The following RADIL variants were observed in gnomAD, a reference collection of about 807,000 sequenced individuals.
RADIL encodes Rap associating with DIL domain, also known as ras-associating and dilute domain-containing protein.
In RADIL, 99 loss-of-function variants were observed where a neutral mutation model predicts 97.6. That is an observed-to-expected ratio of 1.01 (90% CI 0.86 to 1.20). The LOEUF (loss-of-function observed/expected upper bound fraction) is 1.20. RADIL is among the 50% of genes most tolerant of loss of function. RADIL has a pLI of 0.00. For missense variants in RADIL, 1,765 were observed against 1,498.9 expected (o/e 1.18, Z -2.93); for synonymous variants, 803 against 691.8 (o/e 1.16, Z -2.52).
At chr7:4,799,816 T>G (rs1015636469) in intron 13 of RADIL, 47 bp from the exon 14 acceptor site, 4 of 1,453,582 alleles carry the variant, frequency 2.8e-6, no homozygotes, top group Non-Finnish European at 3.6e-6. Flanking sequence ...CGACTGGCTG[T>G]CCCCAGCGAG....
rs373238489 is a variant in RADIL at position 4,800,225 on chromosome 7, C to T, written c.2928G>A (p.Thr976=). The part of the protein sequence containing the change: ...SSTEDFCYVF[T]VELERGPSGL... ...CGGAGGGGCCTCGTTCCAGCTCCAC[C>T]GTGAAGACGTAGCAGAAGTCCTCGG... The change falls in exon 13 of 15, where the codon ACG becomes ACA. Residue 976 remains threonine (T), a synonymous_variant. Coordinates refer to ENST00000399583, the MANE Select transcript of RADIL (RefSeq NM_018059.5). The T allele has an allele frequency of 1.3e-5, 21 of 1,604,332 alleles. 1 individual carries two copies. Among genetic ancestry groups the T allele is most frequent in the South Asian group, 4.5e-5 (4 of 89,860 alleles).
At position 4,835,340 on chromosome 7, in the gene RADIL, G is replaced by A. The variant is rs1783266046; in HGVS notation, c.784-101C>T. On this transcript the variant is annotated intron_variant, in intron 3 of 14. Coordinates refer to ENST00000399583, the MANE Select transcript of RADIL (RefSeq NM_018059.5). This position sits in a 1 kb window ranked among gnomAD's most constrained non-coding sequence, Gnocchi z 5.8. ...GTTGCTGAAGCAGCGTGGCTGGGAT[G>A]CTGTCGCCACGGGCTCTCCATGTCC... 5.5e-6 allele frequency: 8 copies of A among 1,451,524 alleles called. No homozygotes were observed. The highest frequency in any genetic ancestry group is 7.4e-6 in the Non-Finnish European group (8 of 1,080,506). 89.9% of individuals were successfully genotyped at this position (1,451,524 alleles called of 1,614,324 possible).
chr7:4,851,677 G>T (rs1211257164), intron 2 of RADIL, among the ~76,000 whole-genome samples: 2 of 151,854 alleles, frequency 1.3e-5, no homozygotes, highest in Non-Finnish European at 2.9e-5. Flanking sequence ...GCAGAGTGTA[G>T]AAGGTGCTGC....
intron 2 of RADIL, among the ~76,000 whole-genome samples, chr7:4,870,301 C>T (rs990096354): frequency 3.3e-5 from 5 of 152,208 alleles, no homozygotes; most frequent in East Asian, 1.9e-4. Flanking sequence ...AACAAAAGAA[C>T]GATACATTCT....
chr7:4,804,525 G>A (rs777399916), intron 10 of RADIL, among the ~76,000 whole-genome samples: 2 of 152,206 alleles, frequency 1.3e-5, no homozygotes, highest in East Asian at 1.9e-4. Flanking sequence ...GGCGGCTCAC[G>A]CCTGTAATCC....
chr7:4,875,536 A>C (rs893193568), intron 2 of RADIL, among the ~76,000 whole-genome samples: 7 of 152,152 alleles, frequency 4.6e-5, no homozygotes, highest in African/African-American at 1.7e-4. Context: ...GCCCGGTGAC[A>C]CACAACGCAA....
Position 4,861,834 on chromosome 7 carries a change from G to GATCTA in RADIL, c.535+15770_535+15771insTAGAT, listed in dbSNP as rs1554264940. ...ATCTTTCAGCGCCCGCCCCGCCAGGGCACGTCCCCCACCACCGCGACCTTC... is the reference window on the plus strand; with the variant it reads ...ATCTTTCAGCGCCCGCCCCGCCAGGGATCTACACGTCCCCCACCACCGCGACCTTC... On this transcript the variant is annotated intron_variant, in intron 2 of 14. Coordinates refer to ENST00000399583, the MANE Select transcript of RADIL (RefSeq NM_018059.5). 1.3e-4 allele frequency: 164 copies of GATCTA among 1,268,472 alleles called. No homozygotes were observed. In the South Asian group the frequency reaches 1.4e-3, roughly 11 times the overall value. 78.6% of individuals were successfully genotyped at this position (1,268,472 alleles called of 1,614,324 possible). A position where few individuals can be genotyped will look rare whatever the true frequency, so the allele number is the denominator to read the frequency against.
intron 2 of RADIL, chr7:4,865,699 T>C: frequency 1.0e-6 from 1 of 996,650 alleles, no homozygotes; most frequent in Non-Finnish European, 1.6e-6. Flanking sequence ...ATTGGCAGCA[T>C]CTGTGATTCC....
At chr7:4,868,915 T>A (rs1408266030) in intron 2 of RADIL, among the ~76,000 whole-genome samples, 1 of 152,050 alleles carries the variant, frequency 6.6e-6, no homozygotes, top group African/African-American at 2.4e-5. Flanking sequence ...TCATTTGAGG[T>A]CAGGAGTTCG....
At chr7:4,806,051 C>T (rs148327001) in intron 9 of RADIL, 21,827 of 985,436 alleles carry the variant, frequency 0.022, 285 homozygotes, top group Middle Eastern at 0.055. Flanking sequence ...AGATTCCTGC[C>T]TCCAACGGTG....
chr7:4,801,043 G>C (rs1274423703), intron 12 of RADIL, among the ~76,000 whole-genome samples: 2 of 152,176 alleles, frequency 1.3e-5, no homozygotes, highest in Non-Finnish European at 2.9e-5. Context: ...TATACTCACA[G>C]CCATGCACAC....
chr7:4,862,501 G>A (rs1784039812), intron 2 of RADIL, among the ~76,000 whole-genome samples: 1 of 152,232 alleles, frequency 6.6e-6, no homozygotes. Flanking sequence ...TCCGCAGCTA[G>A]GTGAACTACT....
In RADIL at chr7:4,878,114, A is replaced by G. The variant is rs1407988976; in HGVS notation, c.26T>C (p.Met9Thr). 6 of 1,574,306 alleles carry G rather than the reference A, an allele frequency of 3.8e-6. No homozygotes were observed. Among genetic ancestry groups the G allele is most frequent in the South Asian group, 1.2e-5 (1 of 86,100 alleles). ...CAGTTTGCTCTTGGTGGGCGGGGAC[A>G]TGATGAAGTGCGTCCCATAAAACAT... MFYGTHFI[M>T]SPPTKSKLKR... Residue 9 changes from methionine to threonine, a missense_variant, in exon 2 of 15, where the codon ATG (methionine) becomes ACG (threonine). Coordinates refer to ENST00000399583, the MANE Select transcript of RADIL (RefSeq NM_018059.5). This position sits in a 1 kb window ranked among gnomAD's most constrained non-coding sequence, Gnocchi z 4.1.
chr7:4,856,716 T>G (rs981910889), intron 2 of RADIL, among the ~76,000 whole-genome samples: 1 of 152,250 alleles, frequency 6.6e-6, no homozygotes, highest in Non-Finnish European at 1.5e-5. Flanking sequence ...ACTTTTGATA[T>G]AGCAAGAGGT....
rs11319065 is a variant in RADIL, at chr7:4,842,055, CA to C, written c.536-5451del. Among the ~76,000 whole-genome samples the C allele has an allele frequency of 0.52, 75,959 of 144,888 alleles. 19,918 individuals are homozygous for C. Among genetic ancestry groups the C allele is most frequent in the African/African-American group, 0.66 (26,036 of 39,680 alleles). On this transcript the variant is annotated intron_variant, in intron 2 of 14. Coordinates refer to ENST00000399583, the MANE Select transcript of RADIL (RefSeq NM_018059.5). This position sits in a 1 kb window ranked among gnomAD's most constrained non-coding sequence, Gnocchi z 4.5. ...GGGCAACAGAGCAAGACCCTGTCTC[CA>C]AAAAAAAAAAAAGATGCAACAAGGC...
intron 2 of RADIL, among the ~76,000 whole-genome samples, chr7:4,866,366 G>T (rs78701864): frequency 0.024 from 3,662 of 152,140 alleles, 158 homozygotes; most frequent in African/African-American, 0.081. Context: ...TCCATGAAAT[G>T]GATTTGTTTT....
At position 4,860,036 on chromosome 7, in the gene RADIL, T is replaced by C. The variant is rs191671834; in HGVS notation, c.535+17569A>G. On this transcript the variant is annotated intron_variant, in intron 2 of 14. Coordinates refer to ENST00000399583, the MANE Select transcript of RADIL (RefSeq NM_018059.5). ...CTGAGAGACAGCGTGAGGAATACTT[T>C]CGTTTAATGCAACCCCTGAACTTTC... is the stretch of plus-strand genomic sequence containing the variant. 137 of 1,614,030 alleles carry C rather than the reference T, an allele frequency of 8.5e-5. No homozygotes were observed. The African/African-American group carries it at 1.6e-3, about 19-fold the overall frequency.
At position 4,847,739 on chromosome 7, in the gene RADIL, C is replaced by CAAAAAAAAAAAAAA. The variant is rs56177809; in HGVS notation, c.536-11148_536-11135dup. The stretch of plus-strand genomic sequence containing the variant: ...TATGCTACGTGAAAAAAGCTAGATG[C>CAAAAAAAAAAAAAA]AAAAAAAAAAAAAAAAAAAAAAAAA... On this transcript the variant is annotated intron_variant, in intron 2 of 14. Coordinates refer to ENST00000399583, the MANE Select transcript of RADIL (RefSeq NM_018059.5). 1.2e-3 allele frequency among the ~76,000 whole-genome samples: 28 copies of CAAAAAAAAAAAAAA among 23,806 alleles called. 4 individuals carry two copies. Among genetic ancestry groups the CAAAAAAAAAAAAAA allele is most frequent in the Admixed American group, 3.1e-3 (4 of 1,304 alleles). 15.6% of individuals were successfully genotyped at this position (23,806 alleles called of 152,430 possible). A position where few individuals can be genotyped will look rare whatever the true frequency, so the allele number is the denominator to read the frequency against.
Position 4,817,551 on chromosome 7 carries a change from G to GA in RADIL, c.1616-201dup, listed in dbSNP as rs1171183774. On this transcript the variant is annotated intron_variant, in intron 6 of 14. Transcript: ENST00000399583. This position sits in a 1 kb window ranked among gnomAD's most constrained non-coding sequence, Gnocchi z 8.3. ...AAACCTGCCGCCACTCTTACCTGGGGAGGGGAATGCCGGGAGGGGCAGGAG... is the reference window on the plus strand; with the variant it reads ...AAACCTGCCGCCACTCTTACCTGGGGAAGGGGAATGCCGGGAGGGGCAGGAG... 6.6e-6 allele frequency among the ~76,000 whole-genome samples: 1 copy of GA among 152,140 alleles called. No individual in the cohort carries two copies. The highest frequency in any genetic ancestry group is 2.4e-5 in the African/African-American group (1 of 41,424).
Sources: gnomAD v4.1 joint callset for allele counts (sites outside exome capture counted in the v4.1 genomes callset) on GRCh38, gnomAD v4.1.1 for gene constraint, Gnocchi (gnomAD v3.1) non-coding constraint, MANE v1.5 for transcripts, NCBI Gene and HGNC (gene_info 2026-07-23, HGNC 2026-07-21) for gene names.